The following TMCO5A variants were observed in gnomAD, a reference collection of about 807,000 sequenced individuals.
TMCO5A encodes transmembrane and coiled-coil domains 5A, also known as transmembrane and coiled-coil domain-containing protein 5A.
A neutral mutation model predicts 42.3 loss-of-function variants in TMCO5A; 34 were observed. The ratio of observed to expected loss-of-function variants is 0.80; its 90% CI spans 0.61 to 1.07. TMCO5A has a LOEUF of 1.07. Ranked by LOEUF, TMCO5A falls within the 50% of genes least tolerant of loss-of-function variation. The probability of loss-of-function intolerance (pLI) is 0.00; values close to 1 mark genes in which losing one functional copy is unlikely to be tolerated. For missense variants in TMCO5A, 357 were observed against 327.9 expected (o/e 1.09, Z -0.69); for synonymous variants, 131 against 115.6 (o/e 1.13, Z -0.86).
intron 6 of TMCO5A, among the ~76,000 whole-genome samples, chr15:37,940,874 T>A (rs533289556): frequency 1.3e-5 from 2 of 152,242 alleles, no homozygotes; most frequent in South Asian, 4.1e-4. Context: ...CTGGTATTAT[T>A]TTTAAGAGAA....
chr15:37,955,321 A>G (rs570564108), downstream of TMCO5A, among the ~76,000 whole-genome samples: 1 of 151,910 alleles, frequency 6.6e-6, no homozygotes, highest in Admixed American at 6.6e-5. Context: ...GAAAAGACCA[A>G]TAACAAGTAA....
intron 11 of TMCO5A, among the ~76,000 whole-genome samples, chr15:37,960,718 C>T (rs1171257692): frequency 6.6e-6 from 1 of 151,174 alleles, no homozygotes; most frequent in Non-Finnish European, 1.5e-5. Context: ...TTGATTATGG[C>T]CATTCTTGCA....
At chr15:38,026,669 C>T in the TMCO5A span, among the ~76,000 whole-genome samples, 3 of 152,234 alleles carry the variant, frequency 2.0e-5, no homozygotes, top group African/African-American at 7.2e-5. Flanking sequence ...GTCTCCAGGG[C>T]ATGTCAGAGG....
intron 6 of TMCO5A, 113 bp from the exon 7 acceptor site, chr15:37,941,036 T>C: frequency 1.1e-6 from 1 of 889,268 alleles, no homozygotes; most frequent in South Asian, 1.5e-5. Context: ...AGGAGACGTG[T>C]GAAGTCATGG....
chr15:38,009,185 C>T, the TMCO5A span, among the ~76,000 whole-genome samples: 2 of 152,200 alleles, frequency 1.3e-5, no homozygotes, highest in Non-Finnish European at 2.9e-5. Context: ...CTTTGATCAA[C>T]ACAAAAATCA....
downstream of TMCO5A, among the ~76,000 whole-genome samples, chr15:37,953,462 C>T (rs1284676297): frequency 6.6e-6 from 1 of 152,130 alleles, no homozygotes; most frequent in Non-Finnish European, 1.5e-5. Flanking sequence ...TTGCTTAAAA[C>T]CATCAAGGTG....
chr15:37,935,732 G>A (rs1889486826), intron 2 of TMCO5A, among the ~76,000 whole-genome samples: 1 of 152,084 alleles, frequency 6.6e-6, no homozygotes, highest in African/African-American at 2.4e-5. Flanking sequence ...TGAAAGCTAT[G>A]CCTAGAGCCT....
chr15:38,002,742 G>A, the TMCO5A span, among the ~76,000 whole-genome samples: 1 of 151,748 alleles, frequency 6.6e-6, no homozygotes, highest in African/African-American at 2.4e-5. Context: ...CATCTGATAG[G>A]ATTCTGAATT....
the TMCO5A span, among the ~76,000 whole-genome samples, chr15:38,008,519 G>T: frequency 6.6e-6 from 1 of 152,164 alleles, no homozygotes; most frequent in African/African-American, 2.4e-5. Flanking sequence ...GGGAGATACT[G>T]CAATAAGGTA....
At position 37,951,351 on chromosome 15, in the gene TMCO5A, T is replaced by G; in HGVS notation, c.*117T>G. On this transcript the variant is annotated 3_prime_UTR_variant, in exon 12 of 12. Transcript: ENST00000319669. ...TTCAGTTTTTTCCTCACCGTTTGCC[T>G]GCTTGACTACCTTCTGTCACCACGT... is the stretch of plus-strand genomic sequence containing the variant. 2 of 932,036 alleles carry G rather than the reference T, an allele frequency of 2.1e-6. No homozygotes were observed. The highest frequency in any genetic ancestry group is 3.3e-6 in the Non-Finnish European group (2 of 613,918). 57.7% of individuals were successfully genotyped at this position (932,036 alleles called of 1,614,324 possible).
chr15:38,008,946 T>C, the TMCO5A span, among the ~76,000 whole-genome samples: 9 of 152,190 alleles, frequency 5.9e-5, no homozygotes, highest in Non-Finnish European at 8.8e-5. Context: ...CTTAGGCCTC[T>C]GATACCATTA....
the TMCO5A span, among the ~76,000 whole-genome samples, chr15:38,031,774 G>A: frequency 3.1e-4 from 47 of 152,202 alleles, no homozygotes; most frequent in Non-Finnish European, 5.9e-4. Flanking sequence ...GATAATAAAT[G>A]ATTACTGTCT....
chr15:38,008,310 C>T, the TMCO5A span, among the ~76,000 whole-genome samples: 1 of 151,988 alleles, frequency 6.6e-6, no homozygotes, highest in Non-Finnish European at 1.5e-5. Context: ...TATAAAAATG[C>T]TAGAAATACC....
chr15:37,973,153 T>C, the TMCO5A span, among the ~76,000 whole-genome samples: 1 of 134,798 alleles, frequency 7.4e-6, no homozygotes, highest in Non-Finnish European at 1.5e-5. Flanking sequence ...ATTTTCTTTT[T>C]TTCCTTTTTT....
the TMCO5A span, among the ~76,000 whole-genome samples, chr15:37,989,760 T>C: frequency 2.6e-5 from 4 of 152,074 alleles, no homozygotes; most frequent in African/African-American, 9.7e-5. Flanking sequence ...TGCCAGAATC[T>C]TATGAATGTC....
the TMCO5A span, among the ~76,000 whole-genome samples, chr15:37,986,168 A>G: frequency 6.6e-6 from 1 of 152,250 alleles, no homozygotes; most frequent in South Asian, 2.1e-4. Flanking sequence ...TCTCAAATAT[A>G]TTTTTAAAGA....
At chr15:37,945,474 G>A (rs927497942) in intron 10 of TMCO5A, among the ~76,000 whole-genome samples, 4 of 152,062 alleles carry the variant, frequency 2.6e-5, no homozygotes, top group East Asian at 1.9e-4. Flanking sequence ...ATGGTTGAAC[G>A]AATTTATACT....
chr15:37,942,483 G>T (rs903363907), intron 9 of TMCO5A: 8 of 483,496 alleles, frequency 1.7e-5, no homozygotes, highest in Non-Finnish European at 3.0e-5. Context: ...ATCTCCCTTC[G>T]TAATGTTATC....
chr15:38,029,280 A>G, the TMCO5A span, among the ~76,000 whole-genome samples: 1 of 151,838 alleles, frequency 6.6e-6, no homozygotes, highest in African/African-American at 2.4e-5. Flanking sequence ...TACAGTCTAC[A>G]CACACACACA....
Sources: allele counts gnomAD v4.1 joint callset (sites outside exome capture counted in the v4.1 genomes callset), GRCh38; gene constraint gnomAD v4.1.1; transcripts MANE v1.5; gene names NCBI Gene and HGNC (gene_info 2026-07-23, HGNC 2026-07-21).